The following ACTN3 variants were observed in gnomAD, a reference collection of about 807,000 sequenced individuals.
ACTN3 encodes alpha-actinin-3.
Under a neutral mutation model 119.6 loss-of-function variants are expected in ACTN3, and 91 were observed. The observed-to-expected ratio is 0.76, with a 90% CI of 0.64 to 0.91. ACTN3 has a LOEUF of 0.91. ACTN3 is among the 40% of genes least tolerant of loss of function. The pLI is 0.00. For missense variants in ACTN3, 1,221 were observed against 1,215.1 expected, an observed-to-expected ratio of 1.00 and a Z score of -0.07; for synonymous variants, 456 against 478.8, an observed-to-expected ratio of 0.95 and a Z score of 0.62.
chr11:66,552,870 TCTCTCTCTCTCACACACACACACACA>T (rs1228878003), intron 3 of ACTN3, among the ~76,000 whole-genome samples: 23 of 110,450 alleles, frequency 2.1e-4, no homozygotes, highest in African/African-American at 1.1e-3. Flanking sequence ...TCTCTCTCTC[TCTCTCTCTCTCACACACACACACACA>T]CACACACACA....
chr11:66,546,932 A>T lies in ACTN3; in HGVS notation c.-6A>T. ...CGAGCGGAGCGAAGCCAGGAGCCCG[A>T]TCGAGATGATGATGGTTATGCAGCC... On this transcript the variant is annotated 5_prime_UTR_variant, in exon 1 of 21. Transcript: ENST00000513398. The T allele has an allele frequency of 6.5e-7, 1 of 1,538,260 alleles. No individual in the cohort carries two copies. The highest frequency in any genetic ancestry group is 8.7e-7 in the Non-Finnish European group (1 of 1,147,036).
At chr11:66,559,875 C>T (rs1590810356) in intron 12 of ACTN3, 93 bp from the exon 13 acceptor site, 2 of 1,285,528 alleles carry the variant, frequency 1.6e-6, no homozygotes, top group Non-Finnish European at 2.2e-6. Context: ...CACGCCTTCA[C>T]CCCCATCCGG....
At chr11:66,553,477 C>A (rs1259572023) in intron 3 of ACTN3, among the ~76,000 whole-genome samples, 1 of 151,858 alleles carries the variant, frequency 6.6e-6, no homozygotes, top group Non-Finnish European at 1.5e-5. Context: ...ATCACTTGAA[C>A]CCAGGAGGCG....
intron 5 of ACTN3, 56 bp from the exon 6 acceptor site, chr11:66,555,074 G>A (rs1857559851): frequency 1.3e-6 from 2 of 1,538,292 alleles, no homozygotes; most frequent in Non-Finnish European, 1.8e-6. Flanking sequence ...TGGGCCGAGG[G>A]GAGAACGGGG....
chr11:66,556,100 G>C (rs752749521), intron 7 of ACTN3, 45 bp from the exon 8 acceptor site: 1 of 1,549,840 alleles, frequency 6.5e-7, no homozygotes, highest in South Asian at 1.2e-5. Flanking sequence ...GCCTGGGGAG[G>C]GACCCCTGGC....
In ACTN3 at chr11:66,561,248, T is replaced by C. The variant is rs618838; in HGVS notation, c.1882T>C (p.Cys628Arg). 0.56 allele frequency: 882,982 copies of C among 1,586,418 alleles called. 251,548 individuals are homozygous for C. Among genetic ancestry groups the C allele is most frequent in the African/African-American group, 0.84 (62,467 of 74,306 alleles). ...CCAGGTCCGAAAGCTGGTGCCCAGCTGTGACCAGACACTGCAGGAGGAGCT... is the reference window on the plus strand; with the variant it reads ...CCAGGTCCGAAAGCTGGTGCCCAGCCGTGACCAGACACTGCAGGAGGAGCT... ...WDMVRKLVPS[C>R]DQTLQEELAR... The change falls in exon 16 of 21, where the codon TGT becomes CGT. Residue 628 changes from cysteine (C) to arginine (R), a missense_variant. Transcript: ENST00000513398.
At chr11:66,561,391 G>T in intron 16 of ACTN3, 30 bp downstream of exon 16, 1 of 1,607,304 alleles carries the variant, frequency 6.2e-7, no homozygotes. Context: ...GTCCAACCTG[G>T]GGGGATGGGG....
Position 66,561,667 on chromosome 11 carries a change from G to A in ACTN3, c.2175+30G>A, listed in dbSNP as rs112553703. ...GATCACACCCTCTCAGGAGAGTGGG[G>A]AGGCAGCACTGGCTGAGGAGGCCCA... On this transcript the variant is annotated intron_variant, in intron 17 of 20. Transcript: ENST00000513398. 1.7e-3 allele frequency: 2,670 copies of A among 1,596,426 alleles called. 37 individuals carry two copies. The African/African-American group carries it at 0.031, about 18-fold the overall frequency.
chr11:66,551,563 C>T lies in ACTN3; in HGVS notation c.298C>T (p.Arg100Cys), dbSNP rs138699570. ...RLPRPDKGKM[R>C]FHKIANVNKA... ...GCCTAGGCCAGATAAAGGCAAGATG[C>T]GCTTCCACAAAATCGCCAACGTTAA... The change falls in exon 3 of 21, where the codon CGC becomes TGC. Residue 100 changes from arginine to cysteine, a missense_variant. Transcript: ENST00000513398. The T allele has an allele frequency of 3.5e-5, 57 of 1,614,076 alleles. No individual in the cohort carries two copies. The highest frequency in any genetic ancestry group is 5.0e-5 in the Admixed American group (3 of 60,018).
rs534791884 is a variant in ACTN3 at position 66,555,063 on chromosome 11, C to T, written c.558-67C>T. 5 of 1,465,756 alleles carry T rather than the reference C, an allele frequency of 3.4e-6. No homozygotes were observed. In the East Asian group the frequency reaches 1.2e-4, roughly 34 times the overall value. 90.8% of individuals were successfully genotyped at this position (1,465,756 alleles called of 1,614,324 possible). A position where few individuals can be genotyped will look rare whatever the true frequency, so the allele number is the denominator to read the frequency against. Reference sequence around the variant, plus strand: ...GAGGCTGTCCTTCTGGGGGGTGCTCCTGGGCCGAGGGGAGAACGGGGCCCC... The same window carrying T: ...GAGGCTGTCCTTCTGGGGGGTGCTCTTGGGCCGAGGGGAGAACGGGGCCCC... On this transcript the variant is annotated intron_variant, in intron 5 of 20. Coordinates refer to ENST00000513398, the MANE Select transcript of ACTN3 (RefSeq NM_001104.4).
Position 66,551,618 on chromosome 11 carries a change from G to T in ACTN3, c.353G>T (p.Gly118Val), listed in dbSNP as rs1327754539. 1.2e-6 allele frequency: 2 copies of T among 1,613,774 alleles called. No individual in the cohort carries two copies. The highest frequency in any genetic ancestry group is 1.7e-6 in the Non-Finnish European group (2 of 1,180,044). ...GCCCTGGACTTCATTGCCAGCAAGG[G>T]GGTTAAACTGGTGTCCATTGGTGCT... ...NKALDFIASK[G>V]VKLVSIGAEE... The change falls in exon 3 of 21, where the codon GGG becomes GTG. Residue 118 changes from glycine (G) to valine (V), a missense_variant. Around this residue, in one of 3 missense-constraint regions of ACTN3, gnomAD observed 239 missense variants for 231.8 expected, o/e 1.03. Transcript: ENST00000513398.
Position 66,559,997 on chromosome 11 carries a change from T to C in ACTN3, c.1457T>C (p.Val486Ala). The change falls in exon 13 of 21, where the codon GTG (valine) becomes GCG (alanine). Residue 486 changes from valine (V) to alanine (A), a missense_variant. Transcript: ENST00000513398. ...NELDYHEAAS[V>A]NSRCQAICDQ... Reference sequence around the variant, plus strand: ...CTGGACTACCACGAGGCAGCCTCAGTGAATAGCCGCTGCCAGGCCATCTGC... The same window carrying C: ...CTGGACTACCACGAGGCAGCCTCAGCGAATAGCCGCTGCCAGGCCATCTGC... The C allele has an allele frequency of 6.2e-7, 1 of 1,602,170 alleles. No homozygotes were observed. Among genetic ancestry groups the C allele is most frequent in the Non-Finnish European group, 8.5e-7 (1 of 1,176,116 alleles).
chr11:66,560,770 C>G lies in ACTN3; in HGVS notation c.1860+15C>G. The G allele has an allele frequency of 5.0e-6, 8 of 1,594,578 alleles. No homozygotes were observed. Among genetic ancestry groups the G allele is most frequent in the Non-Finnish European group, 6.9e-6 (8 of 1,166,488 alleles). On this transcript the variant is annotated intron_variant, in intron 15 of 20. Transcript: ENST00000513398. ...AGTGGGATATGGTCAGTGCCACCTG[C>G]AGCCTTCCTCCCACCCCCTCCTGCA... is the stretch of plus-strand genomic sequence containing the variant.
At chr11:66,559,908 G>C (rs1857703707) in intron 12 of ACTN3, 60 bp from the exon 13 acceptor site, 1 of 1,490,816 alleles carries the variant, frequency 6.7e-7, no homozygotes, top group African/African-American at 1.4e-5. Flanking sequence ...AGCCCTGGGA[G>C]TGCAGTTAGG....
At position 66,556,035 on chromosome 11, in the gene ACTN3, C is replaced by T. The variant is rs899248921; in HGVS notation, c.719-110C>T. ...GAAGACACTGGGCTTGGGTGGCTGG[C>T]TGCTGGTGGCCATGACTGGATGCTT... is the stretch of plus-strand genomic sequence containing the variant. On this transcript the variant is annotated intron_variant, in intron 7 of 20. Coordinates refer to ENST00000513398, the MANE Select transcript of ACTN3 (RefSeq NM_001104.4). 5.2e-6 allele frequency: 5 copies of T among 963,000 alleles called. No individual in the cohort carries two copies. The African/African-American group carries it at 8.3e-5, about 16-fold the overall frequency. 59.7% of individuals were successfully genotyped at this position (963,000 alleles called of 1,614,324 possible).
chr11:66,546,842 G>C, upstream of ACTN3: 2 of 1,513,362 alleles, frequency 1.3e-6, no homozygotes, highest in South Asian at 1.2e-5. Context: ...CCCATATTTA[G>C]TGCGAATTCG....
intron 11 of ACTN3, chr11:66,558,914 A>G (rs901778967): frequency 2.5e-5 from 7 of 283,190 alleles, no homozygotes; most frequent in Non-Finnish European, 4.6e-5. Context: ...GGATTTCTGT[A>G]GTGAACAAAG....
intron 4 of ACTN3, 89 bp from the exon 5 acceptor site, chr11:66,554,447 A>T: frequency 1.0e-6 from 1 of 986,642 alleles, no homozygotes; most frequent in Non-Finnish European, 1.4e-6. Flanking sequence ...ACATAGCAAG[A>T]CCCTGTCTCA....
chr11:66,559,382 C>T lies in ACTN3; in HGVS notation c.1423C>T (p.Leu475Phe). The T allele has an allele frequency of 6.5e-7, 1 of 1,529,548 alleles. No individual in the cohort carries two copies. Among genetic ancestry groups the T allele is most frequent in the Non-Finnish European group, 8.7e-7 (1 of 1,145,922 alleles). The allele number at this position is 1,529,548 out of a possible 1,614,324, so 94.7% of individuals were successfully genotyped here. A position where few individuals can be genotyped will look rare whatever the true frequency, so the allele number is the denominator to read the frequency against. ...VEHIAALAQE[L>F]NELDYHEAAS... ...GCACATTGCCGCGCTGGCCCAGGAG[C>T]TCAAGTAGGCGGGGCCTCGCGGGGC... The change falls in exon 12 of 21, where the codon CTC (leucine) becomes TTC (phenylalanine). Residue 475 changes from leucine to phenylalanine, a missense_variant. Around this residue, in one of 3 missense-constraint regions of ACTN3, gnomAD observed 934 missense variants for 899.9 expected, o/e 1.04. Transcript: ENST00000513398.
Sources: allele counts gnomAD v4.1 joint callset (sites outside exome capture counted in the v4.1 genomes callset), GRCh38; gene constraint gnomAD v4.1.1; regional missense constraint gnomAD v4.1.1; transcripts MANE v1.5; gene names NCBI Gene and HGNC (gene_info 2026-07-23, HGNC 2026-07-21).